Variants in NUDT16L1 observed in about 807,000 individuals in gnomAD.
NUDT16L1 encodes the protein tudor-interacting repair regulator protein.
A neutral mutation model predicts 17.3 loss-of-function variants in NUDT16L1; 19 were observed. That is an observed-to-expected ratio of 1.10 (90% CI 0.77 to 1.61). The LOEUF (loss-of-function observed/expected upper bound fraction) is 1.61. NUDT16L1 is among the 40% of genes most tolerant of loss of function. The probability of loss-of-function intolerance (pLI) is 0.00; values close to 1 mark genes in which losing one functional copy is unlikely to be tolerated. For synonymous variants in NUDT16L1, 255 were observed against 138.6 expected (o/e 1.84, Z -5.90); for missense variants, 341 against 292.0 (o/e 1.17, Z -1.22).
chr16:4,693,691 T>C (rs777346581), upstream of NUDT16L1: 2 of 1,478,092 alleles, frequency 1.4e-6, no homozygotes, highest in Non-Finnish European at 1.8e-6. Flanking sequence ...GCGCATGCTC[T>C]TAAGTGGCAG....
rs1413850437 is a variant in NUDT16L1 at position 4,695,566 on chromosome 16, C to T, written c.*387C>T. On this transcript the variant is annotated 3_prime_UTR_variant, in exon 3 of 3. Coordinates refer to ENST00000304301, the Ensembl canonical transcript of NUDT16L1. ...AGATGGGATGTGTGGGTGGAGGATG[C>T]CTTGTCTCGGTCAGCTCATTCCTGC... 10 of 453,038 alleles carry T rather than the reference C, an allele frequency of 2.2e-5. No homozygotes were observed. The Admixed American group carries it at 2.7e-4, about 12-fold the overall frequency. 28.1% of individuals were successfully genotyped at this position (453,038 alleles called of 1,614,324 possible).
At chr16:4,694,130 C>G (rs376991917) in exon 2 of NUDT16L1, 10 of 1,589,192 alleles carry the variant, frequency 6.3e-6, no homozygotes, top group East Asian at 4.6e-5. Context: ...CGCACCTGAC[C>G]GAGGGCCCAC....
exon 3 of NUDT16L1, chr16:4,695,496 C>CTGAT (rs1555463021): frequency 5.9e-5 from 33 of 555,656 alleles, no homozygotes; most frequent in Admixed American, 3.9e-4. Context: ...CCAGGAGTGC[C>CTGAT]TGATTGTCCC....
intron 2 of NUDT16L1, 63 bp from the exon 3 acceptor site, chr16:4,694,895 C>G (rs2079505943): frequency 6.5e-7 from 1 of 1,541,078 alleles, no homozygotes; most frequent in Non-Finnish European, 8.7e-7. Flanking sequence ...TTCCAGGCCC[C>G]TCCTGCTGGA....
exon 2 of NUDT16L1, chr16:4,694,044 C>G: frequency 1.9e-6 from 3 of 1,585,650 alleles, no homozygotes; most frequent in Non-Finnish European, 1.7e-6. Flanking sequence ...CTTCTGGTCG[C>G]TGGAGGACGG....
At chr16:4,695,042 A>C (rs781169870) in exon 3 of NUDT16L1, 2 of 1,613,350 alleles carry the variant, frequency 1.2e-6, no homozygotes, top group South Asian at 1.1e-5. Context: ...CGCCTTCGTG[A>C]GCACGGCTAA....
chr16:4,695,015 C>A, exon 3 of NUDT16L1: 1 of 1,613,048 alleles, frequency 6.2e-7, no homozygotes, highest in Non-Finnish European at 8.5e-7. Flanking sequence ...CGGAGGCTTC[C>A]CCAACTTCCT....
intron 2 of NUDT16L1, 154 bp downstream of exon 2, chr16:4,694,392 G>T: frequency 6.7e-7 from 1 of 1,486,456 alleles, no homozygotes; most frequent in Non-Finnish European, 8.9e-7. Flanking sequence ...GGGGTCTGGG[G>T]CTGGGAGGCC....
At chr16:4,694,196 C>A (rs756151473) in exon 2 of NUDT16L1, 2 of 1,562,552 alleles carry the variant, frequency 1.3e-6, no homozygotes, top group Admixed American at 3.6e-5. Flanking sequence ...AGCTGCACGC[C>A]GTGGAGATCA....
chr16:4,693,735 G>C (rs761486794), exon 1 of NUDT16L1: 6 of 1,536,998 alleles, frequency 3.9e-6, no homozygotes, highest in African/African-American at 1.4e-5. Flanking sequence ...AGATGTCGAC[G>C]GCGGCGGTTC....
At chr16:4,694,534 G>A in intron 2 of NUDT16L1, 10 of 1,472,284 alleles carry the variant, frequency 6.8e-6, no homozygotes, top group Middle Eastern at 1.8e-4. Context: ...GGATGGGGGA[G>A]GAGCGGGGAT....
rs920761040 is a variant in NUDT16L1 at position 4,694,528 on chromosome 16, G to C, written c.414+290G>C. On this transcript the variant is annotated intron_variant, in intron 2 of 2. Coordinates refer to ENST00000304301, the Ensembl canonical transcript of NUDT16L1. ...GTGGGATCGGTGGGGAGGAAGGGAT[G>C]GGGGAGGAGCGGGGATTGCTTGGGG... 6 of 1,479,600 alleles carry C rather than the reference G, an allele frequency of 4.1e-6. No homozygotes were observed. In the African/African-American group the frequency reaches 7.1e-5, roughly 17 times the overall value. 91.7% of individuals were successfully genotyped at this position (1,479,600 alleles called of 1,614,324 possible). A position where few individuals can be genotyped will look rare whatever the true frequency, so the allele number is the denominator to read the frequency against.
In NUDT16L1 at chr16:4,694,818, C is replaced by T. The variant is rs1184314137; in HGVS notation, c.415-140C>T. 1.1e-5 allele frequency: 16 copies of T among 1,449,600 alleles called. No homozygotes were observed. The Admixed American group carries it at 2.6e-4, about 24-fold the overall frequency. 89.8% of individuals were successfully genotyped at this position (1,449,600 alleles called of 1,614,324 possible). The stretch of plus-strand genomic sequence containing the variant: ...TCCGAGGGAGCTGGCTGGCTTCTGC[C>T]AGGCCCTGCGTGGGTCTCCCATTAA... On this transcript the variant is annotated intron_variant, in intron 2 of 2. Coordinates refer to ENST00000304301, the Ensembl canonical transcript of NUDT16L1.
At chr16:4,693,664 A>C, upstream of NUDT16L1, 1 of 1,350,398 alleles carries the variant, frequency 7.4e-7, no homozygotes, top group Non-Finnish European at 9.5e-7. Flanking sequence ...TTGGCGAGGC[A>C]CGGCGGGGGC....
rs1208791751 is a variant in NUDT16L1 at position 4,694,203 on chromosome 16, A to G, written c.379A>G (p.Ile127Val). The stretch of plus-strand genomic sequence containing the variant: ...GCTGGAGCAGCTGCACGCCGTGGAG[A>G]TCAGCGCGGTGCACTCGCGCGACCA... The change falls in exon 2 of 3, where the codon ATC becomes GTC. Residue 127 changes from isoleucine (I) to valine (V), a missense_variant. By Grantham distance (29) the Ile-to-Val change is conservative. Transcript: ENST00000304301. 1.9e-6 allele frequency: 3 copies of G among 1,552,610 alleles called. No homozygotes were observed. The African/African-American group carries it at 4.2e-5, about 22-fold the overall frequency.
intron 2 of NUDT16L1, 169 bp from the exon 3 acceptor site, chr16:4,694,789 C>T (rs923568485): frequency 5.4e-5 from 78 of 1,442,336 alleles, no homozygotes; most frequent in Non-Finnish European, 7.0e-5. Flanking sequence ...GGGGGCTGCA[C>T]TGCTCCGAGG....
In NUDT16L1 at chr16:4,693,931, C is replaced by T. The variant is rs372577217; in HGVS notation, c.154-47C>T. The T allele has an allele frequency of 8.6e-4, 1,285 of 1,501,652 alleles. 1 individual carries two copies. Among genetic ancestry groups the T allele is most frequent in the Non-Finnish European group, 1.1e-3 (1,218 of 1,137,572 alleles). 93.0% of individuals were successfully genotyped at this position (1,501,652 alleles called of 1,614,324 possible). On this transcript the variant is annotated intron_variant, in intron 1 of 2. Coordinates refer to ENST00000304301, the Ensembl canonical transcript of NUDT16L1. ...GGGTGCCGGCGCGGGCGGGCCCGGG[C>T]GGGGGCGTCCGTCGACCCCGCGGCT...
exon 3 of NUDT16L1, chr16:4,695,311 C>T (rs1567268625): frequency 6.6e-6 from 6 of 902,618 alleles, no homozygotes; most frequent in Non-Finnish European, 1.0e-5. Context: ...GTCATCATCT[C>T]CACTGTCCCA....
At chr16:4,695,614 G>T in exon 3 of NUDT16L1, 1 of 422,528 alleles carries the variant, frequency 2.4e-6, no homozygotes, top group Non-Finnish European at 4.2e-6. Context: ...CCAGTTCAGG[G>T]CCTGGGGGAG....
Sources: gnomAD v4.1 joint callset for allele counts on GRCh38, gnomAD v4.1.1 for gene constraint, MANE v1.5 for transcripts, NCBI Gene and HGNC (gene_info 2026-07-23, HGNC 2026-07-21) for gene names.